IRS1: variants seen among roughly 807,000 people sequenced by gnomAD.
IRS1 encodes insulin receptor substrate 1.
IRS1 carries 34 observed loss-of-function variants against 65.6 expected under a neutral mutation model. The ratio of observed to expected loss-of-function variants is 0.52; its 90% confidence interval spans 0.39 to 0.69. IRS1 has a LOEUF of 0.69. Ranked by LOEUF, IRS1 falls within the 30% of genes least tolerant of loss-of-function variation. The pLI, the probability that IRS1 is intolerant of heterozygous loss-of-function variation, is 0.00. For missense variants in IRS1, 1,641 were observed against 1,720.2 expected (o/e 0.95, Z 0.81); for synonymous variants, 699 against 683.5 (o/e 1.02, Z -0.35).
At chr2:226,791,672 G>C (rs1939606125) in intron 1 of IRS1, among the ~76,000 whole-genome samples, 1 of 151,958 alleles carries the variant, frequency 6.6e-6, no homozygotes, top group Non-Finnish European at 1.5e-5. Context: ...CCCGCGGAGA[G>C]CCCCGCCCCG....
rs748578334 is a variant in IRS1 at position 226,795,435 on chromosome 2, C to T, written c.3304G>A (p.Glu1102Lys). 2.4e-5 allele frequency: 39 copies of T among 1,613,416 alleles called. 1 individual carries two copies. In the South Asian group the frequency reaches 2.9e-4, roughly 12 times the overall value. ...GCACTGGGTGTTGAGGAGAAAGTCT[C>T]GGAGCTATGCCTCCGCCGGCACCCT... ...PQGCRRRHSS[E>K]TFSSTPSATR... The change falls in exon 1 of 2, where the codon GAG becomes AAG. Residue 1102 changes from glutamate (E) to lysine (K), a missense_variant. Physicochemically the swap from Glu to Lys is moderately conservative, Grantham distance 56. This residue lies in a region of IRS1 where 1,324 missense variants were observed against 1,361.0 expected (regional missense o/e 0.97). Transcript: ENST00000305123.
intron 1 of IRS1, among the ~76,000 whole-genome samples, chr2:226,786,827 G>C (rs1939498642): frequency 6.8e-6 from 1 of 147,308 alleles, no homozygotes; most frequent in Non-Finnish European, 1.5e-5. Flanking sequence ...TTCTGTAAGA[G>C]ACTACCACAA....
At chr2:226,789,977 T>C (rs1939558659) in intron 1 of IRS1, among the ~76,000 whole-genome samples, 1 of 152,194 alleles carries the variant, frequency 6.6e-6, no homozygotes, top group Admixed American at 6.5e-5. Context: ...ATAAAGAATG[T>C]CTGATCCAAA....
rs183682512 is a variant in IRS1 at position 226,746,904 on chromosome 2, C to T, written c.*22-10654G>A. Reference sequence around the variant, plus strand: ...TCCCAGGTTGGAGCGATTCTCCTGCCTCAGCCTCCCAAGTAGCTGGGACTA... The same window carrying T: ...TCCCAGGTTGGAGCGATTCTCCTGCTTCAGCCTCCCAAGTAGCTGGGACTA... On this transcript the variant is annotated intron_variant, in intron 1 of 1. Coordinates refer to ENST00000305123, the MANE Select transcript of IRS1 (RefSeq NM_005544.3). Among the ~76,000 whole-genome samples the T allele has an allele frequency of 3.2e-3, 485 of 151,776 alleles. 3 individuals carry two copies. The highest frequency in any genetic ancestry group is 5.5e-3 in the Non-Finnish European group (376 of 67,962).
chr2:226,741,079 A>G (rs1043185756), intron 1 of IRS1, among the ~76,000 whole-genome samples: 3 of 152,220 alleles, frequency 2.0e-5, no homozygotes, highest in Non-Finnish European at 4.4e-5. Flanking sequence ...AACATGACTT[A>G]TATTCCCCAT....
chr2:226,798,838 G>C lies in IRS1; in HGVS notation c.-100C>G. The C allele has an allele frequency of 6.5e-7, 1 of 1,543,088 alleles. No homozygotes were observed. Among genetic ancestry groups the C allele is most frequent in the Non-Finnish European group, 8.7e-7 (1 of 1,143,850 alleles). On this transcript the variant is annotated 5_prime_UTR_variant, in exon 1 of 2. Coordinates refer to ENST00000305123, the MANE Select transcript of IRS1 (RefSeq NM_005544.3). The surrounding 1 kb of genome is among the most constrained non-coding windows in gnomAD (Gnocchi z 9.4). ...GCCGCGGCCCGGCACATGCAAACAGGGCTGGAGGCAGCAGAAACCCCGACT... is the reference window on the plus strand; with the variant it reads ...GCCGCGGCCCGGCACATGCAAACAGCGCTGGAGGCAGCAGAAACCCCGACT...
rs201268665 is a variant in IRS1, at chr2:226,766,066, T to C, written c.*21+28923A>G. ...CATGGAACAACCATAAAAAGAATCA[T>C]TTCTGTAGAAATATTCAAAGGTTTT... is the stretch of plus-strand genomic sequence containing the variant. On this transcript the variant is annotated intron_variant, in intron 1 of 1. Transcript: ENST00000305123. Among the ~76,000 whole-genome samples, 9 of 137,970 alleles carry C rather than the reference T, an allele frequency of 6.5e-5. No homozygotes were observed. The East Asian group carries it at 1.9e-3, about 29-fold the overall frequency. The allele number at this position is 137,970 out of a possible 152,430, so 90.5% of individuals were successfully genotyped here.
At chr2:226,781,737 C>G (rs1156652846) in intron 1 of IRS1, among the ~76,000 whole-genome samples, 1 of 152,088 alleles carries the variant, frequency 6.6e-6, no homozygotes, top group Non-Finnish European at 1.5e-5. Flanking sequence ...GAAGGTCGGC[C>G]TCTGTAGGGA....
chr2:226,735,694 C>A lies in IRS1; in HGVS notation c.*578G>T, dbSNP rs1643918781. 6.6e-6 allele frequency: 1 copy of A among 152,506 alleles called. No individual in the cohort carries two copies. The highest frequency in any genetic ancestry group is 1.5e-5 in the Non-Finnish European group (1 of 68,022). The allele number at this position is 152,506 out of a possible 1,614,324, so 9.4% of individuals were successfully genotyped here. On this transcript the variant is annotated 3_prime_UTR_variant, in exon 2 of 2. Transcript: ENST00000305123. The stretch of plus-strand genomic sequence containing the variant: ...TTAAGCCTTGTTTTAAGCATTTGCT[C>A]CACTCTTTACAACAGAACATTGTAT...
intron 1 of IRS1, among the ~76,000 whole-genome samples, chr2:226,773,327 T>C (rs1207535383): frequency 1.3e-5 from 2 of 152,164 alleles, no homozygotes; most frequent in Non-Finnish European, 2.9e-5. Context: ...AAACAACTCT[T>C]CTGGGGCCCT....
Position 226,795,788 on chromosome 2 carries a change from C to T in IRS1, c.2951G>A (p.Ser984Asn), listed in dbSNP as rs766674987. 1 of 1,613,266 alleles carries T rather than the reference C, an allele frequency of 6.2e-7. No individual in the cohort carries two copies. The highest frequency in any genetic ancestry group is 1.1e-5 in the South Asian group (1 of 91,088). ...CATGGTCATGTAGTCACCCCGGCTG[C>T]TGGGCACTGCCCGGGTAGGCCTGCA... is the stretch of plus-strand genomic sequence containing the variant. Reference protein sequence around the residue: ...SICRPTRAVPSSRGDYMTMQM... With the variant: ...SICRPTRAVPNSRGDYMTMQM... Residue 984 changes from serine (S) to asparagine (N), a missense_variant, in exon 1 of 2, where the codon AGC (serine) becomes AAC (asparagine). Transcript: ENST00000305123.
chr2:226,738,638 C>T (rs796068431), intron 1 of IRS1, among the ~76,000 whole-genome samples: 3 of 152,206 alleles, frequency 2.0e-5, no homozygotes, highest in African/African-American at 4.8e-5. Flanking sequence ...AAAGAAAGCC[C>T]GTCCCTTCAC....
chr2:226,795,908 A>G lies in IRS1; in HGVS notation c.2831T>C (p.Met944Thr), dbSNP rs775198010. The G allele has an allele frequency of 6.2e-7, 1 of 1,613,942 alleles. No homozygotes were observed. Among genetic ancestry groups the G allele is most frequent in the Non-Finnish European group, 8.5e-7 (1 of 1,180,038 alleles). Residue 944 changes from methionine to threonine, a missense_variant, in exon 1 of 2, where the codon ATG (methionine) becomes ACG (threonine). By Grantham distance (81) the Met-to-Thr change is moderately conservative. Around this residue, in one of 3 missense-constraint regions of IRS1, gnomAD observed 1,324 missense variants for 1,361.0 expected, o/e 0.97. Transcript: ENST00000305123. ...TGCCCTCCGGCCCGGCCCCAGGTCC[A>G]TCTTCATGTACTCCTCAGTGCCAGT... ...EETGTEEYMK[M>T]DLGPGRRAAW...
intron 1 of IRS1, among the ~76,000 whole-genome samples, chr2:226,739,816 C>T (rs761919262): frequency 6.6e-6 from 1 of 152,064 alleles, no homozygotes. Context: ...CAAACATTTG[C>T]GTAACTTAAT....
At chr2:226,749,845 C>T (rs1355295171) in intron 1 of IRS1, among the ~76,000 whole-genome samples, 1 of 152,128 alleles carries the variant, frequency 6.6e-6, no homozygotes, top group Non-Finnish European at 1.5e-5. Flanking sequence ...TACCACGTGA[C>T]CAAGTCACCA....
intron 1 of IRS1, among the ~76,000 whole-genome samples, chr2:226,749,572 C>T (rs150208643): frequency 6.6e-6 from 1 of 152,300 alleles, no homozygotes; most frequent in African/African-American, 2.4e-5. Flanking sequence ...AACCATTTGC[C>T]ATAAGTCAGT....
chr2:226,749,334 T>C (rs1559148367), intron 1 of IRS1, among the ~76,000 whole-genome samples: 1 of 152,164 alleles, frequency 6.6e-6, no homozygotes. Context: ...TCTTTCTTCC[T>C]GAATTCTCTT....
chr2:226,735,751 CT>C lies in IRS1; in HGVS notation c.*520del, dbSNP rs1938312685. 6.5e-6 allele frequency: 1 copy of C among 152,714 alleles called. No homozygotes were observed. The highest frequency in any genetic ancestry group is 2.1e-4 in the South Asian group (1 of 4,826). The allele number at this position is 152,714 out of a possible 1,614,324, so 9.5% of individuals were successfully genotyped here. On this transcript the variant is annotated 3_prime_UTR_variant, in exon 2 of 2. Transcript: ENST00000305123. ...ATCCCACATCCAAAAAAAAGATGTG[CT>C]GTAAGAAAAGTTACATTTTCATTTA... is the stretch of plus-strand genomic sequence containing the variant.
chr2:226,779,555 T>G (rs1222805421), intron 1 of IRS1, among the ~76,000 whole-genome samples: 2 of 152,172 alleles, frequency 1.3e-5, no homozygotes, highest in African/African-American at 2.4e-5. Flanking sequence ...GCAGCAAAAA[T>G]GTGAATCAAC....
Sources: allele counts gnomAD v4.1 joint callset (sites outside exome capture counted in the v4.1 genomes callset), GRCh38; gene constraint gnomAD v4.1.1; regional missense constraint gnomAD v4.1.1; non-coding constraint Gnocchi (gnomAD v3.1); transcripts MANE v1.5; gene names NCBI Gene and HGNC (gene_info 2026-07-23, HGNC 2026-07-21).